The following UHMK1 variants were observed in gnomAD, a reference collection of about 807,000 sequenced individuals.
The protein encoded by UHMK1 is serine/threonine-protein kinase Kist.
A neutral mutation model predicts 44.0 loss-of-function variants in UHMK1; 18 were observed. The observed-to-expected ratio is 0.41, with a 90% CI of 0.28 to 0.61. UHMK1 has a LOEUF of 0.61. Among genes scored for constraint, UHMK1 ranks in the 20% least tolerant of loss-of-function variants. The pLI, the probability that UHMK1 is intolerant of heterozygous loss-of-function variation, is 0.31. For missense variants in UHMK1, 463 were observed against 522.5 expected (o/e 0.89, Z 1.11); for synonymous variants, 231 against 198.5 (o/e 1.16, Z -1.38).
In UHMK1 at chr1:162,522,392, GTCT is replaced by G; in HGVS notation, c.1114-7_1114-5del. On this transcript the variant is annotated splice_polypyrimidine_tract_variant and intron_variant, in intron 7 of 7. Coordinates refer to ENST00000489294, the MANE Select transcript of UHMK1 (RefSeq NM_175866.5). ...GTGGAAATGAAATGTTTTTTTCTCT[GTCT>G]TCTTTCAGGTCTTTGTTGAGTATGC... 1 of 1,612,282 alleles carries G rather than the reference GTCT, an allele frequency of 6.2e-7. No homozygotes were observed. Among genetic ancestry groups the G allele is most frequent in the Non-Finnish European group, 8.5e-7 (1 of 1,179,478 alleles).
Position 162,519,438 on chromosome 1 carries a change from T to C in UHMK1, c.1113+1248T>C, listed in dbSNP as rs1033627895. On this transcript the variant is annotated intron_variant, in intron 7 of 7. Coordinates refer to ENST00000489294, the MANE Select transcript of UHMK1 (RefSeq NM_175866.5). ...AGTTAGAAAGCCAATTAGGTTAGGT[T>C]CTAATTGTAATAGAAACTATCAGTG... Among the ~76,000 whole-genome samples the C allele has an allele frequency of 1.2e-4, 19 of 152,306 alleles. No homozygotes were observed. In the East Asian group the frequency reaches 3.5e-3, roughly 28 times the overall value.
upstream of UHMK1, chr1:162,497,391 G>C: frequency 3.0e-6 from 2 of 655,946 alleles, no homozygotes; most frequent in Non-Finnish European, 5.5e-6. Context: ...GATGGTTGGC[G>C]ACACGGGGGG....
chr1:162,497,330 T>G (rs982673868), upstream of UHMK1: 7 of 700,940 alleles, frequency 1.0e-5, no homozygotes, highest in African/African-American at 1.2e-4. Flanking sequence ...CTTCCCGTCA[T>G]GGACTGAACC....
intron 4 of UHMK1, 37 bp downstream of exon 4, chr1:162,503,885 T>C (rs999346810): frequency 6.6e-7 from 1 of 1,515,958 alleles, no homozygotes; most frequent in South Asian, 1.1e-5. Flanking sequence ...TTTGCATTCA[T>C]GTACTATGTG....
chr1:162,519,009 T>A (rs1388115550), intron 7 of UHMK1, among the ~76,000 whole-genome samples: 1 of 150,092 alleles, frequency 6.7e-6, no homozygotes, highest in Non-Finnish European at 1.5e-5. Flanking sequence ...AAAACTACTT[T>A]TGAGCCACTG....
At position 162,523,426 on chromosome 1, in the gene UHMK1, G is replaced by A. The variant is rs2101688051; in HGVS notation, c.*876G>A. The A allele has an allele frequency of 6.5e-6, 1 of 152,720 alleles. No individual in the cohort carries two copies. The highest frequency in any genetic ancestry group is 2.1e-4 in the South Asian group (1 of 4,818). 9.5% of individuals were successfully genotyped at this position (152,720 alleles called of 1,614,324 possible). On this transcript the variant is annotated 3_prime_UTR_variant, in exon 8 of 8. Coordinates refer to ENST00000489294, the MANE Select transcript of UHMK1 (RefSeq NM_175866.5). ...CCCAGAACAAACTGGAGTCTAGCCT[G>A]GAGTTAAATTGAGACTTCTAAAATG... is the stretch of plus-strand genomic sequence containing the variant.
intron 2 of UHMK1, 50 bp from the exon 3 acceptor site, chr1:162,500,863 G>C (rs774588523): frequency 1.3e-6 from 2 of 1,555,402 alleles, no homozygotes; most frequent in African/African-American, 2.7e-5. Flanking sequence ...GAGATGGATA[G>C]AAAGGGAGCA....
rs898460450 is a variant in UHMK1, at chr1:162,525,952, A to G, written c.*3402A>G. On this transcript the variant is annotated 3_prime_UTR_variant, in exon 8 of 8. Transcript: ENST00000489294. ...AATACTTATTTAACTTGTCTTCTAGATTCATGTTGCTTATATTTTAACTAT... is the reference window on the plus strand; with the variant it reads ...AATACTTATTTAACTTGTCTTCTAGGTTCATGTTGCTTATATTTTAACTAT... 1 of 152,174 alleles carries G rather than the reference A, an allele frequency of 6.6e-6. No individual in the cohort carries two copies. The highest frequency in any genetic ancestry group is 2.4e-5 in the African/African-American group (1 of 41,450). The allele number at this position is 152,174 out of a possible 1,614,324, so 9.4% of individuals were successfully genotyped here. A position where few individuals can be genotyped will look rare whatever the true frequency, so the allele number is the denominator to read the frequency against.
upstream of UHMK1, chr1:162,497,680 A>T: frequency 1.3e-6 from 1 of 782,772 alleles, no homozygotes; most frequent in Middle Eastern, 4.2e-4. Flanking sequence ...AATGGTAGAT[A>T]CTCAATAATT....
intron 4 of UHMK1, among the ~76,000 whole-genome samples, chr1:162,511,926 G>T (rs1002094541): frequency 6.6e-6 from 1 of 151,746 alleles, no homozygotes; most frequent in Non-Finnish European, 1.5e-5. Flanking sequence ...TGGGCTCTCT[G>T]ATCTGTTTCA....
rs555355879 is a variant in UHMK1 at position 162,522,923 on chromosome 1, C to T, written c.*373C>T. The T allele has an allele frequency of 9.4e-4, 156 of 166,586 alleles. 1 individual carries two copies. The highest frequency in any genetic ancestry group is 3.6e-3 in the African/African-American group (151 of 41,842). The allele number at this position is 166,586 out of a possible 1,614,324, so 10.3% of individuals were successfully genotyped here. On this transcript the variant is annotated 3_prime_UTR_variant, in exon 8 of 8. Transcript: ENST00000489294. ...ACAAATTTGTTAGGTTTGGTGACAT[C>T]ATTTACAGATTATTTCTTTATGTTG...
rs1020496261 is a variant in UHMK1 at position 162,527,193 on chromosome 1, C to G, written c.*4643C>G. The G allele has an allele frequency of 6.6e-6, 1 of 152,024 alleles. No individual in the cohort carries two copies. The highest frequency in any genetic ancestry group is 1.5e-5 in the Non-Finnish European group (1 of 67,928). The allele number at this position is 152,024 out of a possible 1,614,324, so 9.4% of individuals were successfully genotyped here. On this transcript the variant is annotated 3_prime_UTR_variant, in exon 8 of 8. Coordinates refer to ENST00000489294, the MANE Select transcript of UHMK1 (RefSeq NM_175866.5). ...ATTTTGTTTTAGGATAGCTTCTCTGCCTAATACTATAGGATATGTCATGTT... is the reference window on the plus strand; with the variant it reads ...ATTTTGTTTTAGGATAGCTTCTCTGGCTAATACTATAGGATATGTCATGTT...
Position 162,503,745 on chromosome 1 carries a change from T to A in UHMK1, c.754-9T>A, listed in dbSNP as rs369995148. On this transcript the variant is annotated splice_polypyrimidine_tract_variant and intron_variant, in intron 3 of 7. Coordinates refer to ENST00000489294, the MANE Select transcript of UHMK1 (RefSeq NM_175866.5). ...ATAACCAAAGGAAAACTTTTCTCCG[T>A]TTTTTAAGGCAAACAGTTCTGCTAT... 6.2e-7 allele frequency: 1 copy of A among 1,612,750 alleles called. No homozygotes were observed.
Position 162,525,684 on chromosome 1 carries a change from C to T in UHMK1, c.*3134C>T, listed in dbSNP as rs578159066. Reference sequence around the variant, plus strand: ...AACTATTCTCTTGCAATAAGAGATCCGCATTTATTACCACTGGATGTCTTC... The same window carrying T: ...AACTATTCTCTTGCAATAAGAGATCTGCATTTATTACCACTGGATGTCTTC... On this transcript the variant is annotated 3_prime_UTR_variant, in exon 8 of 8. Transcript: ENST00000489294. 46 of 152,200 alleles carry T rather than the reference C, an allele frequency of 3.0e-4. No homozygotes were observed. The highest frequency in any genetic ancestry group is 1.0e-3 in the African/African-American group (43 of 41,526). The allele number at this position is 152,200 out of a possible 1,614,324, so 9.4% of individuals were successfully genotyped here.
chr1:162,511,858 T>C (rs907282312), intron 4 of UHMK1, among the ~76,000 whole-genome samples: 1 of 152,146 alleles, frequency 6.6e-6, no homozygotes, highest in Non-Finnish European at 1.5e-5. Flanking sequence ...CCTTTCCCCA[T>C]TGTGTTTTCT....
At chr1:162,498,979 T>C (rs1225541188) in intron 1 of UHMK1, among the ~76,000 whole-genome samples, 1 of 152,214 alleles carries the variant, frequency 6.6e-6, no homozygotes, top group Non-Finnish European at 1.5e-5. Context: ...TTTTTTATAA[T>C]ATCATTTTGG....
chr1:162,518,405 T>G (rs991944133), intron 7 of UHMK1, among the ~76,000 whole-genome samples: 1 of 152,136 alleles, frequency 6.6e-6, no homozygotes, highest in Admixed American at 6.5e-5. Context: ...TTTTTTTTTT[T>G]TTAAATATTG....
Position 162,522,506 on chromosome 1 carries a change from C to T in UHMK1, c.1216C>T (p.Leu406=). The T allele has an allele frequency of 6.2e-7, 1 of 1,614,206 alleles. No individual in the cohort carries two copies. The change falls in exon 8 of 8, where the codon CTG becomes TTG. Residue 406 remains leucine (L), a synonymous_variant. Coordinates refer to ENST00000489294, the MANE Select transcript of UHMK1 (RefSeq NM_175866.5). Reference sequence around the variant, plus strand: ...GTTTGTTGTGGCTACATTCTACCCGCTGAGTGCCTACAAGAGGGGATATCT... The same window carrying T: ...GTTTGTTGTGGCTACATTCTACCCGTTGAGTGCCTACAAGAGGGGATATCT... ...GKFVVATFYP[L]SAYKRGYLYQ...
rs1261438661 is a variant in UHMK1 at position 162,518,148 on chromosome 1, G to A, written c.1071G>A (p.Val357=). 1.2e-6 allele frequency: 2 copies of A among 1,613,232 alleles called. No individual in the cohort carries two copies. The highest frequency in any genetic ancestry group is 4.5e-5 in the East Asian group (2 of 44,754). ...AGGAGTGTCAAAAATATGGACCAGT[G>A]GTATCTCTACTTGTTCCAAAGGAAA... is the stretch of plus-strand genomic sequence containing the variant. ...VKEECQKYGP[V]VSLLVPKENP... The change falls in exon 7 of 8, where the codon GTG becomes GTA. Residue 357 remains valine, a synonymous_variant. Coordinates refer to ENST00000489294, the MANE Select transcript of UHMK1 (RefSeq NM_175866.5).
Sources: allele counts gnomAD v4.1 joint callset (sites outside exome capture counted in the v4.1 genomes callset), GRCh38; gene constraint gnomAD v4.1.1; transcripts MANE v1.5; gene names NCBI Gene and HGNC (gene_info 2026-07-23, HGNC 2026-07-21).